Variants in TFAM observed in about 807,000 individuals in gnomAD.
TFAM encodes mitochondrial transcription factor 1.
TFAM carries 13 observed loss-of-function variants against 30.6 expected under a neutral mutation model. That is an observed-to-expected ratio of 0.42 (90% CI 0.28 to 0.67). TFAM has a LOEUF of 0.67. Ranked by LOEUF, TFAM falls within the 30% of genes least tolerant of loss-of-function variation. The probability of loss-of-function intolerance (pLI) is 0.21; values close to 1 mark genes in which losing one functional copy is unlikely to be tolerated. For missense variants in TFAM, 231 were observed against 293.7 expected (o/e 0.79, Z 1.56); for synonymous variants, 106 against 94.8 (o/e 1.12, Z -0.69).
chr10:58,388,581 T>C, intron 3 of TFAM, 89 bp from the exon 4 acceptor site: 1 of 1,393,976 alleles, frequency 7.2e-7, no homozygotes, highest in East Asian at 2.3e-5. Context: ...TCTGTCTGTC[T>C]GAAGTCATGC....
chr10:58,388,695 A>G lies in TFAM; in HGVS notation c.317A>G (p.Glu106Gly). The G allele has an allele frequency of 1.2e-6, 2 of 1,613,762 alleles. No individual in the cohort carries two copies. The highest frequency in any genetic ancestry group is 1.7e-6 in the Non-Finnish European group (2 of 1,179,878). ...ATATATCAAGATGCTTATAGGGCGG[A>G]GTGGCAGGTATATAAAGAAGAGATA... ...KKIYQDAYRA[E>G]WQVYKEEISR... Residue 106 changes from glutamate (E) to glycine (G), a missense_variant, in exon 4 of 7, where the codon GAG becomes GGG. Glu to Gly is a moderately conservative substitution (Grantham distance 98, BLOSUM62 -2). Transcript: ENST00000487519.
At chr10:58,393,287 T>G (rs1306314200) in intron 5 of TFAM, among the ~76,000 whole-genome samples, 1 of 152,212 alleles carries the variant, frequency 6.6e-6, no homozygotes, top group East Asian at 1.9e-4. Context: ...CCCTAATCTC[T>G]TTTTAAACAG....
chr10:58,393,948 C>G (rs1840638890), intron 5 of TFAM, among the ~76,000 whole-genome samples: 1 of 151,638 alleles, frequency 6.6e-6, no homozygotes, highest in Admixed American at 6.6e-5. Context: ...GAGCCAAGCC[C>G]AAGGGAGGTA....
Position 58,385,630 on chromosome 10 carries a change from G to C in TFAM, c.83G>C (p.Arg28Pro). 1 of 1,558,782 alleles carries C rather than the reference G, an allele frequency of 6.4e-7. No individual in the cohort carries two copies. Among genetic ancestry groups the C allele is most frequent in the Non-Finnish European group, 8.7e-7 (1 of 1,151,022 alleles). ...GAELCTGCGS[R>P]LRSPFSFVYL... is the part of the protein sequence containing the mutation. Reference sequence around the variant, plus strand: ...GAGCTGTGCACCGGCTGTGGAAGTCGACTGCGCTCCCCCTTCAGGTAGGCC... The same window carrying C: ...GAGCTGTGCACCGGCTGTGGAAGTCCACTGCGCTCCCCCTTCAGGTAGGCC... Residue 28 changes from arginine to proline, a missense_variant, in exon 1 of 7, where the codon CGA (arginine) becomes CCA (proline). By Grantham distance (103) the Arg-to-Pro change is moderately radical. Coordinates refer to ENST00000487519, the MANE Select transcript of TFAM (RefSeq NM_003201.3).
In TFAM at chr10:58,398,440, T is replaced by C. The variant is rs1840728852; in HGVS notation, c.*3366T>C. The C allele has an allele frequency of 6.6e-6, 1 of 152,260 alleles. No homozygotes were observed. The highest frequency in any genetic ancestry group is 2.1e-4 in the South Asian group (1 of 4,838). 9.4% of individuals were successfully genotyped at this position (152,260 alleles called of 1,614,324 possible). ...GGGAAGGAGGGTTGTGTATTTATTT[T>C]ACTTTCTGATGTTTGCTTAAATAAT... On this transcript the variant is annotated 3_prime_UTR_variant, in exon 7 of 7. Coordinates refer to ENST00000487519, the MANE Select transcript of TFAM (RefSeq NM_003201.3).
At chr10:58,392,964 A>G (rs997999477) in intron 5 of TFAM, among the ~76,000 whole-genome samples, 2 of 151,672 alleles carry the variant, frequency 1.3e-5, no homozygotes, top group African/African-American at 4.8e-5. Flanking sequence ...GATGTGAGCC[A>G]CTGTGCCTGA....
At position 58,395,643 on chromosome 10, in the gene TFAM, T is replaced by C. The variant is rs1840668982; in HGVS notation, c.*569T>C. On this transcript the variant is annotated 3_prime_UTR_variant, in exon 7 of 7. Transcript: ENST00000487519. ...ACTGAGAAATTTATAAACTTTTTTC[T>C]TACTGTCTTTTTTCTAAAGTAAAAA... 1 of 264,864 alleles carries C rather than the reference T, an allele frequency of 3.8e-6. No homozygotes were observed. The highest frequency in any genetic ancestry group is 2.2e-5 in the African/African-American group (1 of 45,920). 16.4% of individuals were successfully genotyped at this position (264,864 alleles called of 1,614,324 possible).
At chr10:58,388,472 A>G (rs941860869) in intron 3 of TFAM, among the ~76,000 whole-genome samples, 198 bp from the exon 4 acceptor site, 4 of 152,246 alleles carry the variant, frequency 2.6e-5, no homozygotes, top group African/African-American at 9.6e-5. Flanking sequence ...ATGGAAGCTG[A>G]TTACTAAACT....
chr10:58,388,389 G>A (rs1266156654), intron 3 of TFAM, 129 bp downstream of exon 3: 5 of 848,812 alleles, frequency 5.9e-6, no homozygotes, highest in Middle Eastern at 2.6e-4. Context: ...GAAACTTTAT[G>A]TCTTCTCATC....
chr10:58,386,598 CTTGTTGCCTTTGGTCTAGAGGACCACTGA>C, intron 2 of TFAM: 1 of 1,173,206 alleles, frequency 8.5e-7, no homozygotes, highest in Non-Finnish European at 1.1e-6. Flanking sequence ...AATTTGGGGC[CTTGTTGCCTTTGGTCTAGAGGACCACTGA>C]TGAATTATTT....
rs1840682961 is a variant in TFAM at position 58,396,415 on chromosome 10, T to C, written c.*1341T>C. The C allele has an allele frequency of 6.6e-6, 1 of 152,236 alleles. No individual in the cohort carries two copies. Among genetic ancestry groups the C allele is most frequent in the Non-Finnish European group, 1.5e-5 (1 of 68,024 alleles). The allele number at this position is 152,236 out of a possible 1,614,324, so 9.4% of individuals were successfully genotyped here. The stretch of plus-strand genomic sequence containing the variant: ...CTAGATAATCTAAACAAATTGTTGC[T>C]TCTCAGTGTTAGCAAGGAAAATAAT... On this transcript the variant is annotated 3_prime_UTR_variant, in exon 7 of 7. Transcript: ENST00000487519.
chr10:58,388,723 C>G lies in TFAM; in HGVS notation c.345C>G (p.Ser115Arg). The G allele has an allele frequency of 3.1e-6, 5 of 1,613,044 alleles. No individual in the cohort carries two copies. Among genetic ancestry groups the G allele is most frequent in the Non-Finnish European group, 4.2e-6 (5 of 1,179,720 alleles). The change falls in exon 4 of 7, where the codon AGC (serine) becomes AGG (arginine). Residue 115 changes from serine (S) to arginine (R), a missense_variant. By Grantham distance (110) the Ser-to-Arg change is moderately radical. Coordinates refer to ENST00000487519, the MANE Select transcript of TFAM (RefSeq NM_003201.3). ...GGCAGGTATATAAAGAAGAGATAAG[C>G]AGATTTAAAGAACAGCTAACTCCAA... ...AEWQVYKEEI[S>R]RFKEQLTPSQ...
At position 58,392,034 on chromosome 10, in the gene TFAM, T is replaced by TG. The variant is rs375203350; in HGVS notation, c.537+1178dup. Among the ~76,000 whole-genome samples the TG allele has an allele frequency of 7.9e-5, 12 of 151,752 alleles. No homozygotes were observed. In the East Asian group the frequency reaches 2.1e-3, roughly 27 times the overall value. On this transcript the variant is annotated intron_variant, in intron 5 of 6. Transcript: ENST00000487519. ...TTTCTTTCAGTTTAACTCTGAAAAC[T>TG]GGGGTTTGTTCCAGTGTGACTGTTG...
chr10:58,386,918 C>T (rs1052503483), intron 2 of TFAM, among the ~76,000 whole-genome samples: 1 of 151,846 alleles, frequency 6.6e-6, no homozygotes, highest in African/African-American at 2.4e-5. Flanking sequence ...AAAAACATTT[C>T]CAGGTAGGAT....
At chr10:58,391,816 A>G (rs1840603878) in intron 5 of TFAM, among the ~76,000 whole-genome samples, 1 of 151,570 alleles carries the variant, frequency 6.6e-6, no homozygotes, top group African/African-American at 2.4e-5. Flanking sequence ...ACCTAATAGT[A>G]TTATGATTAT....
chr10:58,388,334 A>G (rs773302579), intron 3 of TFAM, 74 bp downstream of exon 3: 86 of 1,253,696 alleles, frequency 6.9e-5, no homozygotes, highest in Non-Finnish European at 9.7e-5. Flanking sequence ...CCTTTAAAGG[A>G]CCAGATGGAT....
intron 4 of TFAM, among the ~76,000 whole-genome samples, chr10:58,389,638 C>T (rs1349126969): frequency 6.6e-6 from 1 of 152,140 alleles, no homozygotes; most frequent in Non-Finnish European, 1.5e-5. Context: ...TTTAGGGTGG[C>T]TGATCTAATC....
rs911788382 is a variant in TFAM, at chr10:58,396,787, A to T, written c.*1713A>T. 6.6e-6 allele frequency: 1 copy of T among 152,382 alleles called. No individual in the cohort carries two copies. Among genetic ancestry groups the T allele is most frequent in the Middle Eastern group, 3.4e-3 (1 of 296 alleles). 9.4% of individuals were successfully genotyped at this position (152,382 alleles called of 1,614,324 possible). A position where few individuals can be genotyped will look rare whatever the true frequency, so the allele number is the denominator to read the frequency against. On this transcript the variant is annotated 3_prime_UTR_variant, in exon 7 of 7. Transcript: ENST00000487519. ...AAGACTTTGATGTCACAAAAAGATG[A>T]CTTGTTATATGCTGAGCTTGACAAA... is the stretch of plus-strand genomic sequence containing the variant.
chr10:58,386,402 A>T, intron 2 of TFAM, 64 bp downstream of exon 2: 1 of 1,160,324 alleles, frequency 8.6e-7, no homozygotes, highest in African/African-American at 1.5e-5. Context: ...GCAGTTAAAT[A>T]CCAATGTTGA....
Sources: allele counts gnomAD v4.1 joint callset (sites outside exome capture counted in the v4.1 genomes callset), GRCh38; gene constraint gnomAD v4.1.1; transcripts MANE v1.5; gene names NCBI Gene and HGNC (gene_info 2026-07-23, HGNC 2026-07-21).